Variants in CTNNA3 observed in about 807,000 individuals in gnomAD.
The protein encoded by CTNNA3 is catenin alpha 3, also known as catenin alpha-3.
CTNNA3 carries 76 observed loss-of-function variants against 95.7 expected under a neutral mutation model. The observed-to-expected ratio is 0.79, with a 90% confidence interval of 0.66 to 0.96. The LOEUF is 0.96. CTNNA3 is among the 40% of genes least tolerant of loss of function. The probability of loss-of-function intolerance (pLI) is 0.00; values close to 1 mark genes in which losing one functional copy is unlikely to be tolerated. For missense variants in CTNNA3, 1,191 were observed against 1,089.8 expected, an observed-to-expected ratio of 1.09 and a Z score of -1.31; for synonymous variants, 431 against 374.4, an observed-to-expected ratio of 1.15 and a Z score of -1.74.
At chr10:66,195,573 C>T (rs2086910127) in intron 13 of CTNNA3, among the ~76,000 whole-genome samples, 1 of 152,170 alleles carries the variant, frequency 6.6e-6, no homozygotes, top group Non-Finnish European at 1.5e-5. Context: ...CCAGGTGCTG[C>T]AACAGAAGCA....
In CTNNA3 at chr10:67,259,743, C is replaced by T. The variant is rs1421698172; in HGVS notation, c.580-39873G>A. Among the ~76,000 whole-genome samples the T allele has an allele frequency of 1.4e-4, 21 of 152,278 alleles. No individual in the cohort carries two copies. In the East Asian group the frequency reaches 2.9e-3, roughly 21 times the overall value. ...TTTGCCTAATTGGCAAACATATTCTCAGTTTCTCAGCTGCAGGATACCAGG... is the reference window on the plus strand; with the variant it reads ...TTTGCCTAATTGGCAAACATATTCTTAGTTTCTCAGCTGCAGGATACCAGG... On this transcript the variant is annotated intron_variant, in intron 5 of 17. Transcript: ENST00000433211.
chr10:67,251,333 A>C (rs1866101705), intron 5 of CTNNA3, among the ~76,000 whole-genome samples: 2 of 152,176 alleles, frequency 1.3e-5, no homozygotes, highest in Admixed American at 6.6e-5. Flanking sequence ...GGTTGGGGGC[A>C]GGAGTGACTG....
At chr10:66,928,069 C>T in intron 7 of CTNNA3, 1 of 1,614,058 alleles carries the variant, frequency 6.2e-7, no homozygotes, top group Non-Finnish European at 8.5e-7. Context: ...GCCCAAGCTC[C>T]CCAGGCCGAA....
intron 9 of CTNNA3, among the ~76,000 whole-genome samples, chr10:66,741,088 G>C (rs923075045): frequency 6.6e-6 from 1 of 152,138 alleles, no homozygotes; most frequent in Non-Finnish European, 1.5e-5. Context: ...ATTAGGTTTG[G>C]AGGCTACTGC....
At chr10:66,086,249 TA>T (rs1345222128) in intron 14 of CTNNA3, among the ~76,000 whole-genome samples, 8 of 152,106 alleles carry the variant, frequency 5.3e-5, no homozygotes, top group African/African-American at 1.9e-4. Context: ...GCCATGTCTA[TA>T]AATGAGCACA....
At chr10:66,628,821 T>A (rs939108641) in intron 9 of CTNNA3, among the ~76,000 whole-genome samples, 1 of 151,994 alleles carries the variant, frequency 6.6e-6, no homozygotes, top group East Asian at 1.9e-4. Context: ...ATACTTTGAG[T>A]TTGAGTTGCC....
chr10:66,199,805 A>ATGTATATATATATATTTTTTT (rs1564756586), intron 13 of CTNNA3, among the ~76,000 whole-genome samples: 1 of 14,292 alleles, frequency 7.0e-5, no homozygotes, highest in Non-Finnish European at 1.1e-4. Flanking sequence ...ATATATATAT[A>ATGTATATATATATATTTTTTT]TTTTTTTTTT....
chr10:66,029,001 T>G (rs2079399945), intron 15 of CTNNA3, among the ~76,000 whole-genome samples: 1 of 151,958 alleles, frequency 6.6e-6, no homozygotes, highest in Non-Finnish European at 1.5e-5. Context: ...GAGGTGAAAC[T>G]TTTGAGAAAA....
intron 1 of CTNNA3, among the ~76,000 whole-genome samples, chr10:67,712,309 A>G (rs1841115873): frequency 6.6e-6 from 1 of 152,242 alleles, no homozygotes; most frequent in Non-Finnish European, 1.5e-5. Flanking sequence ...TCTGAGGAGA[A>G]ATCCAAGCTG....
intron 5 of CTNNA3, among the ~76,000 whole-genome samples, chr10:67,515,580 C>T (rs1388687014): frequency 6.6e-6 from 1 of 152,144 alleles, no homozygotes; most frequent in African/African-American, 2.4e-5. Context: ...TTGAAATCTT[C>T]AGAAACAGGT....
chr10:65,955,296 A>G lies in CTNNA3; in HGVS notation c.2400+11316T>C, dbSNP rs192870907. The stretch of plus-strand genomic sequence containing the variant: ...CTTAAGGAGATTTTGGGTTGAGACG[A>G]TGGGGTTTTCTAACTATACAATCAT... On this transcript the variant is annotated intron_variant, in intron 17 of 17. Transcript: ENST00000433211. Among the ~76,000 whole-genome samples the G allele has an allele frequency of 8.5e-5, 13 of 152,266 alleles. No homozygotes were observed. In the East Asian group the frequency reaches 1.9e-3, roughly 23 times the overall value.
At chr10:66,252,241 T>C (rs1460850004) in intron 13 of CTNNA3, among the ~76,000 whole-genome samples, 1 of 152,214 alleles carries the variant, frequency 6.6e-6, no homozygotes, top group African/African-American at 2.4e-5. Context: ...TCTTTTTCTT[T>C]TTTTCTTTTA....
At chr10:66,928,219 C>A (rs1205919592) in intron 7 of CTNNA3, 13 of 1,614,032 alleles carry the variant, frequency 8.1e-6, no homozygotes, top group Non-Finnish European at 1.0e-5. Flanking sequence ...GCTCGTCATC[C>A]TGCTGGTTAT....
intron 11 of CTNNA3, among the ~76,000 whole-genome samples, chr10:66,468,054 A>C (rs1275779257): frequency 6.6e-6 from 1 of 152,036 alleles, no homozygotes; most frequent in Admixed American, 6.6e-5. Flanking sequence ...CATTTACTAA[A>C]CGTATAACTA....
intron 7 of CTNNA3, among the ~76,000 whole-genome samples, chr10:67,174,840 ATC>A (rs1447026731): frequency 6.6e-6 from 1 of 152,238 alleles, no homozygotes; most frequent in Admixed American, 6.5e-5. Context: ...CTTGGTTGAT[ATC>A]TCTGTTTTTG....
chr10:67,249,823 T>C (rs1021275335), intron 5 of CTNNA3, among the ~76,000 whole-genome samples: 2 of 152,132 alleles, frequency 1.3e-5, no homozygotes, highest in Non-Finnish European at 2.9e-5. Flanking sequence ...ACTGTGACAA[T>C]TTAGATTCAC....
Position 65,978,007 on chromosome 10 carries a change from T to C in CTNNA3, c.2265+10685A>G, listed in dbSNP as rs538932781. ...TCATTTCTTCACCTGTAATGCCTTGTTTCATCTTGCTCAGGATCACAGATC... is the reference window on the plus strand; with the variant it reads ...TCATTTCTTCACCTGTAATGCCTTGCTTCATCTTGCTCAGGATCACAGATC... On this transcript the variant is annotated intron_variant, in intron 16 of 17. Transcript: ENST00000433211. Among the ~76,000 whole-genome samples, 8 of 152,222 alleles carry C rather than the reference T, an allele frequency of 5.3e-5. No individual in the cohort carries two copies. The South Asian group carries it at 6.2e-4, about 12-fold the overall frequency.
intron 7 of CTNNA3, among the ~76,000 whole-genome samples, chr10:66,810,152 T>C (rs1589279785): frequency 6.6e-6 from 1 of 152,334 alleles, no homozygotes; most frequent in South Asian, 2.1e-4. Flanking sequence ...TAAAATTCTC[T>C]TTTAGTATAA....
At chr10:65,953,938 C>G (rs992000058) in intron 17 of CTNNA3, among the ~76,000 whole-genome samples, 8 of 152,166 alleles carry the variant, frequency 5.3e-5, no homozygotes, top group African/African-American at 1.9e-4. Context: ...ATTTCTAGTT[C>G]TAGATCCTTG....
Sources: gnomAD v4.1 joint callset for allele counts (sites outside exome capture counted in the v4.1 genomes callset) on GRCh38, gnomAD v4.1.1 for gene constraint, MANE v1.5 for transcripts, NCBI Gene and HGNC (gene_info 2026-07-23, HGNC 2026-07-21) for gene names.